Variants in ACTN4 observed in about 807,000 individuals in gnomAD.
ACTN4 encodes actinin alpha 4, also known as alpha-actinin-4.
In ACTN4, 18 loss-of-function variants were observed where a neutral mutation model predicts 114.2. That is an observed-to-expected ratio of 0.16 (90% CI 0.11 to 0.23). The LOEUF (loss-of-function observed/expected upper bound fraction) is 0.23. Among genes scored for constraint, ACTN4 ranks in the 10% least tolerant of loss-of-function variants. The probability of loss-of-function intolerance (pLI) is 1.00; values close to 1 mark genes in which losing one functional copy is unlikely to be tolerated. For synonymous variants in ACTN4, 515 were observed against 506.3 expected, an observed-to-expected ratio of 1.02 and a Z score of -0.23; for missense variants, 722 against 1,262.9, an observed-to-expected ratio of 0.57 and a Z score of 6.49.
rs1447699234 is a variant in ACTN4 at position 38,727,377 on chromosome 19, TCAGCA to T, written c.2337+277_2337+281del. ...CACCACCCCCAGGGCAGATGAAGTC[TCAGCA>T]CACCCAGGCTTTGCGACCCGGTCTG... is the stretch of plus-strand genomic sequence containing the variant. On this transcript the variant is annotated intron_variant, in intron 18 of 20. Transcript: ENST00000252699. This position sits in a 1 kb window ranked among gnomAD's most constrained non-coding sequence, Gnocchi z 5.4. Among the ~76,000 whole-genome samples the T allele has an allele frequency of 6.6e-6, 1 of 152,044 alleles. No homozygotes were observed. Among genetic ancestry groups the T allele is most frequent in the Non-Finnish European group, 1.5e-5 (1 of 67,982 alleles).
At position 38,727,188 on chromosome 19, in the gene ACTN4, A is replaced by G. The variant is rs1250704426; in HGVS notation, c.2337+85A>G. ...CCTTCGTCTCTGCATCTGTTCGTCC[A>G]TTCCCATCACAGTTGCTGAGCGTCG... is the stretch of plus-strand genomic sequence containing the variant. On this transcript the variant is annotated intron_variant, in intron 18 of 20. Coordinates refer to ENST00000252699, the MANE Select transcript of ACTN4 (RefSeq NM_004924.6). This position sits in a 1 kb window ranked among gnomAD's most constrained non-coding sequence, Gnocchi z 5.4. 3.1e-6 allele frequency: 5 copies of G among 1,598,578 alleles called. No homozygotes were observed. The highest frequency in any genetic ancestry group is 1.3e-5 in the African/African-American group (1 of 74,546).
At chr19:38,728,101 TCGCCATCCCACCCCTG>T in intron 19 of ACTN4, 75 bp downstream of exon 19, 1 of 1,513,240 alleles carries the variant, frequency 6.6e-7, no homozygotes, top group Non-Finnish European at 9.0e-7. Context: ...CTTTCTCCCC[TCGCCATCCCACCCCTG>T]CCATCCTGTG....
Position 38,717,243 on chromosome 19 carries a change from T to G in ACTN4, c.1070T>G (p.Phe357Cys), listed in dbSNP as rs754620971. Reference sequence around the variant, plus strand: ...GAGAAGTGCCAGCTGGAGATCAACTTCAACACGCTGCAGACCAAGCTGCGC... The same window carrying G: ...GAGAAGTGCCAGCTGGAGATCAACTGCAACACGCTGCAGACCAAGCTGCGC... The part of the protein sequence containing the change: ...VQEKCQLEIN[F>C]NTLQTKLRLS... The change falls in exon 10 of 21, where the codon TTC becomes TGC. Residue 357 changes from phenylalanine to cysteine, a missense_variant. Coordinates refer to ENST00000252699, the MANE Select transcript of ACTN4 (RefSeq NM_004924.6). The surrounding 1 kb of genome is among the most constrained non-coding windows in gnomAD (Gnocchi z 4.0). The G allele has an allele frequency of 1.2e-6, 2 of 1,613,740 alleles. No individual in the cohort carries two copies. Among genetic ancestry groups the G allele is most frequent in the South Asian group, 2.2e-5 (2 of 91,064 alleles).
At chr19:38,669,958 T>G (rs1390737236) in intron 1 of ACTN4, among the ~76,000 whole-genome samples, 1 of 152,166 alleles carries the variant, frequency 6.6e-6, no homozygotes, top group Non-Finnish European at 1.5e-5. Flanking sequence ...GTATGGAAAC[T>G]TCAGTCCTTT....
rs1327494002 is a variant in ACTN4, at chr19:38,691,417, A to C, written c.163-9183A>C. On this transcript the variant is annotated intron_variant, in intron 1 of 20. Coordinates refer to ENST00000252699, the MANE Select transcript of ACTN4 (RefSeq NM_004924.6). ...ACTCCGTCTCAAAAAAAAAAAAACA[A>C]AAAAAACAAAAAAAAAAACCCAACA... Among the ~76,000 whole-genome samples the C allele has an allele frequency of 3.8e-3, 568 of 150,472 alleles. 10 individuals are homozygous for C. The highest frequency in any genetic ancestry group is 0.013 in the African/African-American group (523 of 41,092).
intron 3 of ACTN4, among the ~76,000 whole-genome samples, chr19:38,703,795 G>A (rs939497389): frequency 7.9e-5 from 12 of 152,074 alleles, no homozygotes; most frequent in Non-Finnish European, 1.5e-4. Flanking sequence ...ACTGGGTGGC[G>A]GGTTGGGGAG....
intron 19 of ACTN4, chr19:38,728,269 C>G: frequency 6.5e-7 from 1 of 1,533,332 alleles, no homozygotes; most frequent in Non-Finnish European, 8.8e-7. Flanking sequence ...CCCCTCTTGC[C>G]TACTCTGGGC....
intron 1 of ACTN4, among the ~76,000 whole-genome samples, chr19:38,676,639 T>G (rs1967384614): frequency 6.6e-6 from 1 of 152,178 alleles, no homozygotes; most frequent in African/African-American, 2.4e-5. Context: ...GTAAACAGGC[T>G]GCCTTTCTGC....
chr19:38,677,955 G>A (rs2431641), intron 1 of ACTN4, among the ~76,000 whole-genome samples: 11,450 of 152,130 alleles, frequency 0.075, 1,405 homozygotes, highest in African/African-American at 0.26. Flanking sequence ...TCAAACTCCT[G>A]GCCTCAAGTC....
chr19:38,711,544 G>A (rs899200), intron 8 of ACTN4, among the ~76,000 whole-genome samples: 8,621 of 152,302 alleles, frequency 0.057, 260 homozygotes, highest in South Asian at 0.096. Flanking sequence ...CCGCCTGGCC[G>A]GTGCTGGGCC....
intron 1 of ACTN4, among the ~76,000 whole-genome samples, chr19:38,680,328 A>G (rs1967524994): frequency 6.6e-6 from 1 of 150,388 alleles, no homozygotes; most frequent in African/African-American, 2.5e-5. Flanking sequence ...TCCTGGGTTC[A>G]AGCAAGCACG....
intron 1 of ACTN4, among the ~76,000 whole-genome samples, chr19:38,689,921 A>G (rs1967867925): frequency 6.6e-6 from 1 of 152,148 alleles, no homozygotes; most frequent in African/African-American, 2.4e-5. Context: ...TAGGCCGACT[A>G]AGAATTGCTA....
In ACTN4 at chr19:38,710,243, T is replaced by C. The variant is rs778066579; in HGVS notation, c.734-14T>C. 1.2e-6 allele frequency: 2 copies of C among 1,614,040 alleles called. No individual in the cohort carries two copies. Among genetic ancestry groups the C allele is most frequent in the Non-Finnish European group, 1.7e-6 (2 of 1,179,964 alleles). On this transcript the variant is annotated splice_polypyrimidine_tract_variant and intron_variant, in intron 7 of 20. Coordinates refer to ENST00000252699, the MANE Select transcript of ACTN4 (RefSeq NM_004924.6). ...CCCTACTCGGGCAGTTTAACCCTTG[T>C]TGTTCACTTGCAGACATCGTGAACA... is the stretch of plus-strand genomic sequence containing the variant.
chr19:38,651,281 G>A (rs1336944069), intron 1 of ACTN4, among the ~76,000 whole-genome samples: 2 of 152,192 alleles, frequency 1.3e-5, no homozygotes, highest in Non-Finnish European at 1.5e-5. Context: ...CTGCTTGGAA[G>A]CCCTTTGCTC....
chr19:38,724,299 C>G lies in ACTN4; in HGVS notation c.1835C>G (p.Thr612Ser), dbSNP rs770206677. 8.7e-6 allele frequency: 14 copies of G among 1,613,894 alleles called. No homozygotes were observed. The highest frequency in any genetic ancestry group is 9.3e-6 in the Non-Finnish European group (11 of 1,180,028). ...AAGCTGTCGGGCAGCAACCCCTACACCACCGTCACCCCGCAAATCATCAAC... is the reference window on the plus strand; with the variant it reads ...AAGCTGTCGGGCAGCAACCCCTACAGCACCGTCACCCCGCAAATCATCAAC... ...HIKLSGSNPY[T>S]TVTPQIINSK... The change falls in exon 15 of 21, where the codon ACC becomes AGC. Residue 612 changes from threonine (T) to serine (S), a missense_variant. By Grantham distance (58) the Thr-to-Ser change is moderately conservative. Coordinates refer to ENST00000252699, the MANE Select transcript of ACTN4 (RefSeq NM_004924.6). This position sits in a 1 kb window ranked among gnomAD's most constrained non-coding sequence, Gnocchi z 7.0.
At chr19:38,690,393 C>T (rs1210731764) in intron 1 of ACTN4, among the ~76,000 whole-genome samples, 2 of 152,226 alleles carry the variant, frequency 1.3e-5, no homozygotes, top group Non-Finnish European at 2.9e-5. Flanking sequence ...GCTAGAGGCT[C>T]GCCATTGTTC....
intron 1 of ACTN4, among the ~76,000 whole-genome samples, chr19:38,663,965 A>G (rs1976971421): frequency 6.6e-6 from 1 of 152,198 alleles, no homozygotes; most frequent in African/African-American, 2.4e-5. Flanking sequence ...CTCCCTTCTC[A>G]TGTCCAAGGG....
intron 3 of ACTN4, among the ~76,000 whole-genome samples, chr19:38,702,406 G>A (rs1018181398): frequency 1.3e-5 from 2 of 152,214 alleles, no homozygotes; most frequent in African/African-American, 4.8e-5. Flanking sequence ...GGGAGCATTG[G>A]CTTCCCGTGG....
At chr19:38,665,569 AGGAAGCGCC>A (rs1444064135) in intron 1 of ACTN4, among the ~76,000 whole-genome samples, 1 of 152,142 alleles carries the variant, frequency 6.6e-6, no homozygotes, top group Non-Finnish European at 1.5e-5. Context: ...AGTGCTCCCC[AGGAAGCGCC>A]AAGTCCTGAG....
Sources: gnomAD v4.1 joint callset for allele counts (sites outside exome capture counted in the v4.1 genomes callset) on GRCh38, gnomAD v4.1.1 for gene constraint, Gnocchi (gnomAD v3.1) non-coding constraint, MANE v1.5 for transcripts, NCBI Gene and HGNC (gene_info 2026-07-23, HGNC 2026-07-21) for gene names.